PARD3: variants seen among roughly 807,000 people sequenced by gnomAD.
PARD3 encodes the protein par-3 family cell polarity regulator.
A neutral mutation model predicts 155.4 loss-of-function variants in PARD3; 75 were observed. That is an observed-to-expected ratio of 0.48 (90% CI 0.40 to 0.58). PARD3 has a LOEUF of 0.58. Ranked by LOEUF, PARD3 falls within the 20% of genes least tolerant of loss-of-function variation. PARD3 has a pLI of 0.00. For synonymous variants in PARD3, 576 were observed against 610.5 expected, an observed-to-expected ratio of 0.94 and a Z score of 0.83; for missense variants, 1,642 against 1,721.7, an observed-to-expected ratio of 0.95 and a Z score of 0.82.
intron 22 of PARD3, among the ~76,000 whole-genome samples, chr10:34,261,805 G>GA (rs1215650686): frequency 1.4e-5 from 2 of 144,352 alleles, no homozygotes; most frequent in Non-Finnish European, 3.0e-5. Flanking sequence ...AAGAAAGAAA[G>GA]AAAGAAAGAA....
intron 5 of PARD3, 142 bp from the exon 6 acceptor site, chr10:34,402,059 C>G: frequency 1.4e-6 from 1 of 717,288 alleles, no homozygotes; most frequent in South Asian, 1.6e-5. Context: ...CCTTTAATGA[C>G]AGGATCAGTG....
intron 2 of PARD3, among the ~76,000 whole-genome samples, chr10:34,593,910 G>A (rs2088965258): frequency 6.6e-6 from 1 of 152,146 alleles, no homozygotes; most frequent in Non-Finnish European, 1.5e-5. Context: ...TTTCTGAGAA[G>A]CCTTAGAAAT....
intron 22 of PARD3, among the ~76,000 whole-genome samples, chr10:34,145,201 ATATATATATATATATATATATTTTTTTT>A (rs960908992): frequency 3.4e-5 from 2 of 59,068 alleles, no homozygotes; most frequent in Non-Finnish European, 6.4e-5. Flanking sequence ...ATATATATAT[ATATATATATATATATATATATTTTTTTT>A]TTTTTTTTTT....
chr10:34,567,870 G>A (rs747482098), intron 2 of PARD3, among the ~76,000 whole-genome samples: 3 of 151,706 alleles, frequency 2.0e-5, no homozygotes, highest in Admixed American at 6.5e-5. Context: ...CCTCAGAATC[G>A]TGAGATGTAA....
chr10:34,564,422 T>G (rs1214192593), intron 2 of PARD3, among the ~76,000 whole-genome samples: 1 of 152,200 alleles, frequency 6.6e-6, no homozygotes, highest in African/African-American at 2.4e-5. Flanking sequence ...TAACTCACAG[T>G]AAATTTCATT....
intron 4 of PARD3, among the ~76,000 whole-genome samples, chr10:34,467,982 T>C (rs2078114574): frequency 6.6e-6 from 1 of 152,128 alleles, no homozygotes; most frequent in African/African-American, 2.4e-5. Context: ...AAACAGAATT[T>C]TCCTGGGCTG....
intron 8 of PARD3, among the ~76,000 whole-genome samples, chr10:34,383,248 G>A (rs2132007986): frequency 6.6e-6 from 1 of 152,068 alleles, no homozygotes; most frequent in African/African-American, 2.4e-5. Context: ...AAACCAAATG[G>A]AACATTCTCT....
intron 3 of PARD3, among the ~76,000 whole-genome samples, chr10:34,486,089 A>G (rs1206279172): frequency 6.6e-6 from 1 of 151,850 alleles, no homozygotes; most frequent in African/African-American, 2.4e-5. Context: ...ATGAGTGGCT[A>G]ATTTTCTTAT....
chr10:34,188,706 G>C (rs1378993881), intron 22 of PARD3, among the ~76,000 whole-genome samples: 1 of 151,866 alleles, frequency 6.6e-6, no homozygotes, highest in African/African-American at 2.4e-5. Context: ...AGAATTTGGG[G>C]CTTACATAAT....
chr10:34,125,371 G>A (rs559982813), intron 23 of PARD3, among the ~76,000 whole-genome samples: 1 of 152,094 alleles, frequency 6.6e-6, no homozygotes, highest in Non-Finnish European at 1.5e-5. Flanking sequence ...GGCCCTCCAG[G>A]TCTATTTCTA....
chr10:34,650,179 A>C (rs1026186236), intron 2 of PARD3, among the ~76,000 whole-genome samples: 11 of 152,232 alleles, frequency 7.2e-5, no homozygotes, highest in African/African-American at 2.4e-4. Flanking sequence ...ACAGAGTCAA[A>C]GATTGTCATG....
At chr10:34,521,354 A>G (rs1197597225) in intron 2 of PARD3, among the ~76,000 whole-genome samples, 3 of 141,642 alleles carry the variant, frequency 2.1e-5, no homozygotes, top group East Asian at 4.2e-4. Flanking sequence ...GAATGCATAT[A>G]GTAACACAGC....
intron 22 of PARD3, among the ~76,000 whole-genome samples, chr10:34,247,994 G>A (rs1038826727): frequency 3.3e-5 from 5 of 152,088 alleles, no homozygotes; most frequent in African/African-American, 4.8e-5. Flanking sequence ...ACATTTTTAG[G>A]CATCCCCAAC....
At chr10:34,768,649 T>C (rs992098845) in intron 1 of PARD3, among the ~76,000 whole-genome samples, 12 of 152,208 alleles carry the variant, frequency 7.9e-5, no homozygotes, top group Admixed American at 5.2e-4. Flanking sequence ...AGATTTATTT[T>C]CCTTTCACAA....
At chr10:34,540,039 G>A (rs1000940846) in intron 2 of PARD3, among the ~76,000 whole-genome samples, 6 of 152,156 alleles carry the variant, frequency 3.9e-5, no homozygotes, top group Non-Finnish European at 8.8e-5. Flanking sequence ...GGCGGAATGG[G>A]GAGTCAGAGT....
intron 2 of PARD3, among the ~76,000 whole-genome samples, chr10:34,629,185 C>T (rs950329787): frequency 6.6e-6 from 1 of 152,190 alleles, no homozygotes; most frequent in African/African-American, 2.4e-5. Context: ...TCTATTTTAA[C>T]AAGCCTGTGT....
At chr10:34,732,617 G>C (rs956683075) in intron 1 of PARD3, among the ~76,000 whole-genome samples, 1 of 152,146 alleles carries the variant, frequency 6.6e-6, no homozygotes, top group Non-Finnish European at 1.5e-5. Context: ...AGGGTTGCTT[G>C]AACCCAGGAG....
chr10:34,466,507 T>C (rs534419964), intron 4 of PARD3, among the ~76,000 whole-genome samples: 1 of 152,292 alleles, frequency 6.6e-6, no homozygotes, highest in Non-Finnish European at 1.5e-5. Flanking sequence ...CTCATTTAAC[T>C]TGGAAGAATA....
chr10:34,630,193 G>T (rs371436245), intron 2 of PARD3, among the ~76,000 whole-genome samples: 8 of 152,110 alleles, frequency 5.3e-5, no homozygotes, highest in African/African-American at 1.7e-4. Context: ...GCACTTACTC[G>T]GCATGGAGCT....
Sources: gnomAD v4.1 joint callset for allele counts (sites outside exome capture counted in the v4.1 genomes callset) on GRCh38, gnomAD v4.1.1 for gene constraint, MANE v1.5 for transcripts, NCBI Gene and HGNC (gene_info 2026-07-23, HGNC 2026-07-21) for gene names.